The following MTUS1 variants were observed in gnomAD, a reference collection of about 807,000 sequenced individuals.
MTUS1 encodes the protein microtubule-associated tumor suppressor 1.
In MTUS1, 109 loss-of-function variants were observed where a neutral mutation model predicts 120.8. The observed-to-expected ratio is 0.90, with a 90% CI of 0.77 to 1.06. The LOEUF (loss-of-function observed/expected upper bound fraction) is 1.06, where lower values mean the gene tolerates loss of function less well. MTUS1 is among the 50% of genes least tolerant of loss of function. MTUS1 has a pLI of 0.00. For missense variants in MTUS1, 2,210 were observed against 1,486.3 expected, an observed-to-expected ratio of 1.49 and a Z score of -8.01; for synonymous variants, 737 against 550.5, an observed-to-expected ratio of 1.34 and a Z score of -4.74.
chr8:17,708,281 C>T (rs1052248119), intron 6 of MTUS1, among the ~76,000 whole-genome samples: 5 of 152,210 alleles, frequency 3.3e-5, no homozygotes, highest in African/African-American at 9.6e-5. Context: ...CAGTTTAAAA[C>T]TGGCAAATGA....
At chr8:17,652,410 A>G (rs1039981855) in intron 12 of MTUS1, among the ~76,000 whole-genome samples, 3 of 152,198 alleles carry the variant, frequency 2.0e-5, no homozygotes, top group African/African-American at 7.2e-5. Context: ...ATGTTCTACA[A>G]TCAACCTTTT....
At position 17,772,793 on chromosome 8, in the gene MTUS1, A is replaced by G. The variant is rs531787405; in HGVS notation, c.-154-16832T>C. 2.7e-4 allele frequency among the ~76,000 whole-genome samples: 41 copies of G among 152,332 alleles called. 1 individual carries two copies. Among genetic ancestry groups the G allele is most frequent in the Admixed American group, 2.4e-3 (37 of 15,298 alleles). ...CAGAGTAGTTCTTCTAATTTCTGAA[A>G]CAATCACCTGTAATTCAGCACCAAA... On this transcript the variant is annotated intron_variant, in intron 1 of 14. Coordinates refer to ENST00000693296, the MANE Select transcript of MTUS1 (RefSeq NM_001363059.2).
intron 6 of MTUS1, among the ~76,000 whole-genome samples, chr8:17,712,464 G>A: frequency 6.6e-6 from 1 of 152,050 alleles, no homozygotes; most frequent in East Asian, 1.9e-4. Context: ...AGCCTCCTGA[G>A]TGGCTGGGAC....
In MTUS1 at chr8:17,784,890, T is replaced by C. The variant is rs1050713190; in HGVS notation, c.-155+16171A>G. ...ACCTCCGCCTCCCGGCTTCAAGTGA[T>C]TCTCGGGCCTCAGCTGCCTGAGTAG... On this transcript the variant is annotated intron_variant, in intron 1 of 14. Coordinates refer to ENST00000693296, the MANE Select transcript of MTUS1 (RefSeq NM_001363059.2). 3.9e-4 allele frequency among the ~76,000 whole-genome samples: 60 copies of C among 152,154 alleles called. 1 individual carries two copies. Among genetic ancestry groups the C allele is most frequent in the Admixed American group, 2.0e-3 (31 of 15,284 alleles).
At chr8:17,683,251 G>T (rs536474915) in intron 7 of MTUS1, among the ~76,000 whole-genome samples, 1 of 152,184 alleles carries the variant, frequency 6.6e-6, no homozygotes, top group South Asian at 2.1e-4. Context: ...CAGCCTGGGC[G>T]ACAGAGTGAG....
chr8:17,795,551 G>A (rs185430272), intron 1 of MTUS1, among the ~76,000 whole-genome samples: 1 of 151,412 alleles, frequency 6.6e-6, no homozygotes, highest in African/African-American at 2.4e-5. Flanking sequence ...TTCACACTGT[G>A]TCCTAGCAAT....
chr8:17,676,324 G>A (rs1445781872), intron 7 of MTUS1: 2 of 703,032 alleles, frequency 2.8e-6, no homozygotes, highest in Admixed American at 4.0e-5. Context: ...TGCTGGGGCA[G>A]CCCATTTTCC....
chr8:17,712,110 C>T (rs1215125803), intron 6 of MTUS1, among the ~76,000 whole-genome samples: 1 of 152,156 alleles, frequency 6.6e-6, no homozygotes, highest in Middle Eastern at 3.2e-3. Flanking sequence ...AACACACAGA[C>T]ATGAAGTGAG....
intron 8 of MTUS1, among the ~76,000 whole-genome samples, chr8:17,665,684 G>C (rs1418364837): frequency 1.3e-5 from 2 of 152,154 alleles, no homozygotes; most frequent in African/African-American, 4.8e-5. Flanking sequence ...CTCTTTGAGA[G>C]CCTAACCACA....
At chr8:17,739,881 G>T (rs2047185100) in intron 3 of MTUS1, among the ~76,000 whole-genome samples, 1 of 152,140 alleles carries the variant, frequency 6.6e-6, no homozygotes, top group African/African-American at 2.4e-5. Context: ...AGGTAGTTTA[G>T]ATTTGGTTTG....
At chr8:17,707,151 C>T (rs1820337810) in intron 6 of MTUS1, among the ~76,000 whole-genome samples, 1 of 152,064 alleles carries the variant, frequency 6.6e-6, no homozygotes, top group Admixed American at 6.5e-5. Context: ...GACTCATTTC[C>T]AGCAGAATAT....
At chr8:17,678,748 C>CAAAAAAAAA (rs35213322) in intron 7 of MTUS1, among the ~76,000 whole-genome samples, 1 of 133,062 alleles carries the variant, frequency 7.5e-6, no homozygotes, top group Non-Finnish European at 1.6e-5. Context: ...ATTCCACTTG[C>CAAAAAAAAA]AAAAAAAAAA....
chr8:17,736,363 C>T lies in MTUS1; in HGVS notation c.2287+7241G>A, dbSNP rs551092811. ...CCTCCAGCCCCCACCACACACAGTG[C>T]GTGGTTCACTGTTCCTCACGCACCC... On this transcript the variant is annotated intron_variant, in intron 3 of 14. Coordinates refer to ENST00000693296, the MANE Select transcript of MTUS1 (RefSeq NM_001363059.2). 3.9e-5 allele frequency among the ~76,000 whole-genome samples: 6 copies of T among 152,260 alleles called. No homozygotes were observed. The East Asian group carries it at 7.7e-4, about 20-fold the overall frequency.
chr8:17,651,961 T>C (rs1050788927), intron 12 of MTUS1, among the ~76,000 whole-genome samples: 1 of 152,206 alleles, frequency 6.6e-6, no homozygotes, highest in Non-Finnish European at 1.5e-5. Flanking sequence ...AGCTTTGAAG[T>C]TTCTTTGAAT....
chr8:17,704,860 G>A (rs1271530569), intron 6 of MTUS1, among the ~76,000 whole-genome samples: 3 of 152,074 alleles, frequency 2.0e-5, no homozygotes, highest in Admixed American at 6.5e-5. Flanking sequence ...TGGGTGGTAT[G>A]TCCATTTAGC....
chr8:17,646,243 G>T, intron 14 of MTUS1, 104 bp from the exon 15 acceptor site: 1 of 1,239,370 alleles, frequency 8.1e-7, no homozygotes, highest in Non-Finnish European at 1.1e-6. Flanking sequence ...TTATTCCTTT[G>T]GGATAAAACA....
intron 6 of MTUS1, among the ~76,000 whole-genome samples, chr8:17,705,040 G>A (rs1819881185): frequency 6.6e-6 from 1 of 152,130 alleles, no homozygotes. Flanking sequence ...CTGGAGTGCG[G>A]TGGTGCAATC....
In MTUS1 at chr8:17,723,682, G is replaced by T; in HGVS notation, c.2439C>A (p.Tyr813Ter). The change falls in exon 4 of 15, where the codon TAC (tyrosine) becomes TAA (stop). Residue 813 changes from tyrosine (Y) to a stop codon, truncating the protein, a stop_gained. Coordinates refer to ENST00000693296, the MANE Select transcript of MTUS1 (RefSeq NM_001363059.2). LOFTEE classifies it high-confidence loss of function. The part of the protein sequence containing the change: ...IASTHSELST[Y>*]SNNSGNAAVI... Reference sequence around the variant, plus strand: ...ATAAAGTCGACTTACAATTGTTGCTGTAAGTGCTCAGCTCACTGTGGGTGC... The same window carrying T: ...ATAAAGTCGACTTACAATTGTTGCTTTAAGTGCTCAGCTCACTGTGGGTGC... 6.2e-7 allele frequency: 1 copy of T among 1,610,194 alleles called. No homozygotes were observed. Among genetic ancestry groups the T allele is most frequent in the East Asian group, 2.2e-5 (1 of 44,880 alleles).
chr8:17,657,078 A>G lies in MTUS1; in HGVS notation c.2906-1013T>C, dbSNP rs574785995. 5.4e-4 allele frequency among the ~76,000 whole-genome samples: 82 copies of G among 151,004 alleles called. No individual in the cohort carries two copies. The East Asian group carries it at 9.6e-3, about 18-fold the overall frequency. On this transcript the variant is annotated intron_variant, in intron 8 of 14. Transcript: ENST00000693296. ...TGTCTCAAAAAAAAAAAAAAAAAAAAAAAGAAACAAGTGGACCTTAAACTT... is the reference window on the plus strand; with the variant it reads ...TGTCTCAAAAAAAAAAAAAAAAAAAGAAAGAAACAAGTGGACCTTAAACTT...
Sources: gnomAD v4.1 joint callset for allele counts (sites outside exome capture counted in the v4.1 genomes callset) on GRCh38, gnomAD v4.1.1 for gene constraint, MANE v1.5 for transcripts, NCBI Gene and HGNC (gene_info 2026-07-23, HGNC 2026-07-21) for gene names.